Variants in DPP10 observed in about 807,000 individuals in gnomAD.
DPP10 encodes dipeptidyl peptidase like 10.
Under a neutral mutation model 120.9 loss-of-function variants are expected in DPP10, and 33 were observed. The ratio of observed to expected loss-of-function variants is 0.27; its 90% CI spans 0.21 to 0.37. The LOEUF is 0.37. Among genes scored for constraint, DPP10 ranks in the 10% least tolerant of loss-of-function variants. The pLI is 1.00. For synonymous variants in DPP10, 337 were observed against 326.1 expected (o/e 1.03, Z -0.36); for missense variants, 816 against 942.8 (o/e 0.87, Z 1.76).
chr2:115,750,724 A>G (rs1678592745), intron 10 of DPP10, among the ~76,000 whole-genome samples: 1 of 152,162 alleles, frequency 6.6e-6, no homozygotes, highest in Non-Finnish European at 1.5e-5. Flanking sequence ...TATTCACCAC[A>G]TTTGTACTCG....
chr2:115,584,972 T>C (rs1439213654), intron 5 of DPP10, among the ~76,000 whole-genome samples: 1 of 152,236 alleles, frequency 6.6e-6, no homozygotes, highest in East Asian at 1.9e-4. Flanking sequence ...TGAACAGTTG[T>C]CAGCCTTAAA....
intron 5 of DPP10, among the ~76,000 whole-genome samples, chr2:115,670,991 C>T (rs1559007749): frequency 6.6e-6 from 1 of 151,878 alleles, no homozygotes; most frequent in Non-Finnish European, 1.5e-5. Flanking sequence ...AAGAATATTC[C>T]TGGTTTCTAA....
chr2:115,060,871 T>C (rs1262715963), intron 1 of DPP10, among the ~76,000 whole-genome samples: 1 of 152,154 alleles, frequency 6.6e-6, no homozygotes, highest in Non-Finnish European at 1.5e-5. Flanking sequence ...GAAAATTTTC[T>C]GGGAAACCTA....
intron 1 of DPP10, among the ~76,000 whole-genome samples, chr2:114,852,528 G>A (rs963824072): frequency 5.9e-5 from 9 of 152,024 alleles, no homozygotes; most frequent in African/African-American, 2.2e-4. Context: ...GTAATCTAGA[G>A]ACGATTTAAA....
intron 1 of DPP10, among the ~76,000 whole-genome samples, chr2:114,796,320 T>A (rs537539992): frequency 6.6e-6 from 1 of 151,536 alleles, no homozygotes; most frequent in South Asian, 2.1e-4. Context: ...GCAGATGGAG[T>A]TGCCACCATT....
At chr2:115,575,759 C>T (rs1007484716) in intron 5 of DPP10, among the ~76,000 whole-genome samples, 1 of 152,112 alleles carries the variant, frequency 6.6e-6, no homozygotes, top group East Asian at 1.9e-4. Context: ...AGAGAGCATA[C>T]TGGATTATCC....
intron 1 of DPP10, chr2:115,234,610 A>G (rs1479082088): frequency 6.6e-6 from 1 of 152,246 alleles, no homozygotes; most frequent in African/African-American, 2.4e-5. Flanking sequence ...ACGGCGTGCC[A>G]CCTTCTCACC....
chr2:115,471,996 C>T (rs1021441720), intron 3 of DPP10, among the ~76,000 whole-genome samples: 9 of 151,982 alleles, frequency 5.9e-5, no homozygotes, highest in Admixed American at 5.3e-4. Flanking sequence ...CATCTGATTG[C>T]ACTGGAACAG....
intron 4 of DPP10, among the ~76,000 whole-genome samples, chr2:115,519,602 A>G (rs751298494): frequency 2.0e-5 from 3 of 152,262 alleles, no homozygotes; most frequent in Non-Finnish European, 4.4e-5. Flanking sequence ...CTATAGCTAC[A>G]GAGAACAATC....
chr2:115,095,994 C>T (rs1046096585), intron 1 of DPP10, among the ~76,000 whole-genome samples: 3 of 151,968 alleles, frequency 2.0e-5, no homozygotes, highest in Non-Finnish European at 2.9e-5. Context: ...TTAATGTTTG[C>T]CAATGTCTTA....
chr2:115,834,281 G>C (rs1689222270), intron 21 of DPP10, among the ~76,000 whole-genome samples: 1 of 152,080 alleles, frequency 6.6e-6, no homozygotes, highest in South Asian at 2.1e-4. Context: ...AGAGTTTAGT[G>C]ACAATGACAA....
chr2:115,199,318 T>C (rs1448577978), intron 1 of DPP10, among the ~76,000 whole-genome samples: 1 of 124,464 alleles, frequency 8.0e-6, no homozygotes, highest in Non-Finnish European at 2.0e-5. Context: ...ATCTGTTGTG[T>C]ATTTGTATGG....
chr2:115,305,006 G>A (rs1231186108), intron 1 of DPP10, among the ~76,000 whole-genome samples: 1 of 152,044 alleles, frequency 6.6e-6, no homozygotes, highest in Non-Finnish European at 1.5e-5. Flanking sequence ...TAGCACTAAC[G>A]TGTCTCTAGG....
At chr2:115,720,611 CTTT>C (rs1342090911) in intron 7 of DPP10, among the ~76,000 whole-genome samples, 1 of 151,910 alleles carries the variant, frequency 6.6e-6, no homozygotes, top group Non-Finnish European at 1.5e-5. Context: ...TATGATAATA[CTTT>C]TTTATTTATT....
chr2:114,539,177 C>T (rs892116806), intron 1 of DPP10, among the ~76,000 whole-genome samples: 2 of 148,174 alleles, frequency 1.3e-5, no homozygotes, highest in African/African-American at 4.9e-5. Context: ...TTATTTATAA[C>T]TGTATATTAC....
In DPP10 at chr2:114,673,192, A is replaced by C. The variant is rs572137985; in HGVS notation, c.60+230354A>C. Among the ~76,000 whole-genome samples, 357 of 152,288 alleles carry C rather than the reference A, an allele frequency of 2.3e-3. 1 individual carries two copies. The highest frequency in any genetic ancestry group is 8.3e-3 in the African/African-American group (347 of 41,568). ...CTGTCAACACATCCTCACCACCTCC[A>C]GACTAACTTGCACAAGCTTCAGTGT... On this transcript the variant is annotated intron_variant, in intron 1 of 25. Coordinates refer to ENST00000410059, the MANE Select transcript of DPP10 (RefSeq NM_020868.6).
In DPP10 at chr2:115,511,262, T is replaced by C. The variant is rs144829761; in HGVS notation, c.366+11658T>C. On this transcript the variant is annotated intron_variant, in intron 4 of 25. Transcript: ENST00000410059. ...TTTTAAATTTATTTCATCAATCCTT[T>C]TACATGTTATAAGCCTATTCCAAAT... is the stretch of plus-strand genomic sequence containing the variant. Among the ~76,000 whole-genome samples the C allele has an allele frequency of 2.7e-4, 41 of 152,288 alleles. No individual in the cohort carries two copies. The East Asian group carries it at 6.4e-3, about 24-fold the overall frequency.
intron 1 of DPP10, among the ~76,000 whole-genome samples, chr2:114,645,230 C>T (rs1003370946): frequency 6.6e-6 from 1 of 152,110 alleles, no homozygotes; most frequent in Non-Finnish European, 1.5e-5. Flanking sequence ...CTCTTAAAAC[C>T]TCAATTTATT....
intron 1 of DPP10, among the ~76,000 whole-genome samples, chr2:114,507,041 TTTTTTTTTC>T (rs1311536146): frequency 7.1e-4 from 96 of 136,154 alleles, no homozygotes; most frequent in African/African-American, 2.7e-3. Context: ...CTTTTTTTTC[TTTTTTTTTC>T]TTTTTTTTTT....
Sources: gnomAD v4.1 joint callset for allele counts (sites outside exome capture counted in the v4.1 genomes callset) on GRCh38, gnomAD v4.1.1 for gene constraint, MANE v1.5 for transcripts, NCBI Gene and HGNC (gene_info 2026-07-23, HGNC 2026-07-21) for gene names.